Variants in SLC26A5 observed in about 807,000 individuals in gnomAD.
The protein encoded by SLC26A5 is prestin.
A neutral mutation model predicts 81.0 loss-of-function variants in SLC26A5; 51 were observed. That is an observed-to-expected ratio of 0.63 (90% CI 0.50 to 0.80). SLC26A5 has a LOEUF of 0.80. Among genes scored for constraint, SLC26A5 ranks in the 30% least tolerant of loss-of-function variants. SLC26A5 has a pLI of 0.00. For synonymous variants in SLC26A5, 325 were observed against 332.8 expected (o/e 0.98, Z 0.25); for missense variants, 771 against 905.8 (o/e 0.85, Z 1.91).
intron 2 of SLC26A5, among the ~76,000 whole-genome samples, chr7:103,428,339 A>C (rs1825839886): frequency 6.6e-6 from 1 of 152,178 alleles, no homozygotes. Flanking sequence ...ACATATAAAA[A>C]TAATTTGCCT....
intron 4 of SLC26A5, among the ~76,000 whole-genome samples, chr7:103,414,261 A>G (rs115042628): frequency 0.022 from 3,323 of 149,092 alleles, 115 homozygotes; most frequent in African/African-American, 0.079. Flanking sequence ...TCATGGCTCA[A>G]TGCAGCCACA....
chr7:103,379,481 A>AT, intron 15 of SLC26A5, 146 bp from the exon 16 acceptor site: 1 of 462,680 alleles, frequency 2.2e-6, no homozygotes, highest in Non-Finnish European at 3.9e-6. Flanking sequence ...TCACACACAG[A>AT]CCAAAAAAAA....
intron 19 of SLC26A5, chr7:103,354,110 G>A (rs1252794656): frequency 1.6e-6 from 1 of 628,576 alleles, no homozygotes; most frequent in Non-Finnish European, 2.6e-6. Flanking sequence ...AATTAGAAAA[G>A]AATGTCTGGC....
chr7:103,400,682 G>C (rs1187717488), intron 8 of SLC26A5, among the ~76,000 whole-genome samples: 1 of 152,152 alleles, frequency 6.6e-6, no homozygotes, highest in East Asian at 1.9e-4. Context: ...TTTTCTTCCA[G>C]GGTTTTTACG....
At chr7:103,380,263 C>T (rs529109660) in intron 15 of SLC26A5, among the ~76,000 whole-genome samples, 2 of 151,980 alleles carry the variant, frequency 1.3e-5, no homozygotes, top group East Asian at 3.9e-4. Context: ...ATATTTATCC[C>T]CATTAAAAAT....
rs192814327 is a variant in SLC26A5, at chr7:103,374,929, A to G, written c.2042-337T>C. ...TCTTCCAGGATTTCTCTATGTAAAT[A>G]TAAATAAATATAAGTATGTATTCTT... is the stretch of plus-strand genomic sequence containing the variant. On this transcript the variant is annotated intron_variant, in intron 19 of 19. Transcript: ENST00000306312. Among the ~76,000 whole-genome samples the G allele has an allele frequency of 2.4e-3, 359 of 150,332 alleles. 1 individual carries two copies. The highest frequency in any genetic ancestry group is 4.2e-3 in the Admixed American group (63 of 15,116).
intron 19 of SLC26A5, among the ~76,000 whole-genome samples, chr7:103,375,288 G>A (rs1304825229): frequency 6.6e-6 from 1 of 151,672 alleles, no homozygotes; most frequent in East Asian, 1.9e-4. Context: ...TTTGGTACTT[G>A]AGTTTTTTGT....
intron 18 of SLC26A5, among the ~76,000 whole-genome samples, chr7:103,377,143 A>G (rs1821411640): frequency 6.6e-6 from 1 of 152,204 alleles, no homozygotes; most frequent in South Asian, 2.1e-4. Flanking sequence ...ATAATTTCAA[A>G]ATAAAAAACG....
intron 8 of SLC26A5, among the ~76,000 whole-genome samples, chr7:103,403,389 C>T (rs1823764531): frequency 6.6e-6 from 1 of 152,112 alleles, no homozygotes; most frequent in African/African-American, 2.4e-5. Flanking sequence ...ATTAGGTTTG[C>T]TTGGTCCAGA....
At chr7:103,354,429 C>T (rs1334204317) in intron 19 of SLC26A5, among the ~76,000 whole-genome samples, 1 of 143,098 alleles carries the variant, frequency 7.0e-6, no homozygotes, top group Non-Finnish European at 1.5e-5. Context: ...AGTGCAATGG[C>T]GCGATCTTGG....
downstream of SLC26A5, among the ~76,000 whole-genome samples, chr7:103,373,202 T>C (rs1288057985): frequency 3.9e-5 from 6 of 152,162 alleles, no homozygotes; most frequent in Admixed American, 2.6e-4. Context: ...ACCACACAGA[T>C]AAGTCTGTAG....
intron 14 of SLC26A5, among the ~76,000 whole-genome samples, chr7:103,388,303 TCTC>T (rs1466642996): frequency 1.3e-5 from 2 of 151,014 alleles, no homozygotes; most frequent in African/African-American, 4.9e-5. Flanking sequence ...TTCAAGCAAT[TCTC>T]CTGCCTTAGC....
At chr7:103,353,006 T>C in intron 19 of SLC26A5, 1 of 777,690 alleles carries the variant, frequency 1.3e-6, no homozygotes, top group South Asian at 1.3e-5. Context: ...CAAATGACCA[T>C]GAAAGCACAT....
chr7:103,359,158 T>TTA (rs1820223543), intron 19 of SLC26A5, among the ~76,000 whole-genome samples: 1 of 134,114 alleles, frequency 7.5e-6, no homozygotes, highest in South Asian at 2.5e-4. Flanking sequence ...TTTTTTTTTT[T>TTA]TTTTTTTTTT....
intron 8 of SLC26A5, among the ~76,000 whole-genome samples, chr7:103,398,753 G>C (rs910863488): frequency 6.6e-6 from 1 of 152,142 alleles, no homozygotes; most frequent in Admixed American, 6.5e-5. Flanking sequence ...AGAAATTAGA[G>C]CTGGCCAGGG....
At chr7:103,354,855 C>A in intron 19 of SLC26A5, 1 of 1,583,530 alleles carries the variant, frequency 6.3e-7, no homozygotes, top group Admixed American at 1.7e-5. Context: ...CTAAACTGAC[C>A]TTCATCACCT....
Position 103,420,806 on chromosome 7 carries a change from T to A in SLC26A5, c.224A>T (p.Lys75Ile). The change falls in exon 4 of 20, where the codon AAA becomes ATA. Residue 75 changes from lysine to isoleucine, a missense_variant. By Grantham distance (102) the Lys-to-Ile change is moderately radical. Coordinates refer to ENST00000306312, the MANE Select transcript of SLC26A5 (RefSeq NM_198999.3). ...LPITKWLPAY[K>I]FKEYVLGDLV... is the part of the protein sequence containing the mutation. Reference sequence around the variant, plus strand: ...GTCACCCAACACATATTCCTTGAATTTGTATGCTGGCAGCCATTTAGTTAT... The same window carrying A: ...GTCACCCAACACATATTCCTTGAATATGTATGCTGGCAGCCATTTAGTTAT... The A allele has an allele frequency of 4.3e-6, 7 of 1,613,590 alleles. No individual in the cohort carries two copies. Among genetic ancestry groups the A allele is most frequent in the Non-Finnish European group, 5.9e-6 (7 of 1,179,506 alleles).
At chr7:103,399,554 C>T (rs1011511500) in intron 8 of SLC26A5, among the ~76,000 whole-genome samples, 3 of 152,120 alleles carry the variant, frequency 2.0e-5, no homozygotes, top group African/African-American at 7.2e-5. Flanking sequence ...GATCAGACAC[C>T]TATACTCTTC....
intron 1 of SLC26A5, among the ~76,000 whole-genome samples, chr7:103,443,726 G>A (rs1216813696): frequency 6.6e-6 from 1 of 152,198 alleles, no homozygotes; most frequent in East Asian, 1.9e-4. Flanking sequence ...AAGGGGCCAT[G>A]TATTTATTCT....
Sources: gnomAD v4.1 joint callset for allele counts (sites outside exome capture counted in the v4.1 genomes callset) on GRCh38, gnomAD v4.1.1 for gene constraint, MANE v1.5 for transcripts, NCBI Gene and HGNC (gene_info 2026-07-23, HGNC 2026-07-21) for gene names.